Variants in AKT2 observed in about 807,000 individuals in gnomAD.
AKT2 encodes AKT serine/threonine kinase 2, also known as RAC-beta serine/threonine-protein kinase.
A neutral mutation model predicts 58.6 loss-of-function variants in AKT2; 16 were observed. The observed-to-expected ratio is 0.27, with a 90% CI of 0.18 to 0.41. The LOEUF (loss-of-function observed/expected upper bound fraction) is 0.41, where lower values mean the gene tolerates loss of function less well. AKT2 is among the 10% of genes least tolerant of loss of function. AKT2 has a pLI of 1.00. For synonymous variants in AKT2, 253 were observed against 254.0 expected, an observed-to-expected ratio of 1.00 and a Z score of 0.04; for missense variants, 438 against 661.0, an observed-to-expected ratio of 0.66 and a Z score of 3.70.
chr19:40,240,683 G>C (rs748859323), intron 6 of AKT2: 2 of 202,298 alleles, frequency 9.9e-6, no homozygotes, highest in African/African-American at 4.7e-5. Flanking sequence ...ACCAGGAGTG[G>C]TTCCAAAAAT....
chr19:40,255,656 T>A (rs773334628), intron 3 of AKT2, among the ~76,000 whole-genome samples: 2 of 151,670 alleles, frequency 1.3e-5, no homozygotes, highest in Non-Finnish European at 2.9e-5. Context: ...CGCTCAGAGG[T>A]GAGAGGAGGT....
chr19:40,282,791 A>G (rs1041317507), intron 1 of AKT2: 4 of 312,672 alleles, frequency 1.3e-5, no homozygotes, highest in Non-Finnish European at 2.5e-5. Context: ...AAAAAAGGAC[A>G]CAAATACCAT....
intron 1 of AKT2, among the ~76,000 whole-genome samples, chr19:40,281,504 A>G (rs2077423565): frequency 6.6e-6 from 1 of 152,024 alleles, no homozygotes; most frequent in Non-Finnish European, 1.5e-5. Flanking sequence ...AAGAAAAAAA[A>G]AAACAAGCAC....
In AKT2 at chr19:40,236,126, G is replaced by A. The variant is rs371794713; in HGVS notation, c.961-22C>T. The stretch of plus-strand genomic sequence containing the variant: ...GCACCTGAGGATGGAGGAGAAATGA[G>A]GGCTGGGCCCGTGGCCCTGAGGCTG... On this transcript the variant is annotated intron_variant, in intron 10 of 13. Transcript: ENST00000392038. 4 of 1,613,708 alleles carry A rather than the reference G, an allele frequency of 2.5e-6. No homozygotes were observed. In the African/African-American group the frequency reaches 5.3e-5, roughly 22 times the overall value.
chr19:40,280,600 C>T (rs2145434745), intron 1 of AKT2, among the ~76,000 whole-genome samples: 1 of 152,272 alleles, frequency 6.6e-6, no homozygotes, highest in East Asian at 1.9e-4. Flanking sequence ...AAGGGCCCTG[C>T]CTGCCCCGCA....
chr19:40,276,901 T>C (rs1365036335), intron 1 of AKT2, among the ~76,000 whole-genome samples: 3 of 152,130 alleles, frequency 2.0e-5, no homozygotes, highest in African/African-American at 7.2e-5. Context: ...TGCATGCCTG[T>C]AGTCCCAGCT....
chr19:40,264,352 G>A (rs1447256138), intron 2 of AKT2, among the ~76,000 whole-genome samples: 1 of 152,274 alleles, frequency 6.6e-6, no homozygotes, highest in African/African-American at 2.4e-5. Flanking sequence ...TCTCTTCCCT[G>A]TCCTAACTTC....
At chr19:40,272,834 T>C (rs539797578) in intron 1 of AKT2, among the ~76,000 whole-genome samples, 1 of 152,312 alleles carries the variant, frequency 6.6e-6, no homozygotes, top group East Asian at 1.9e-4. Context: ...AGGAACCAAA[T>C]GCCAGCTTTT....
chr19:40,265,945 C>A (rs377681517), intron 1 of AKT2: 67 of 157,706 alleles, frequency 4.2e-4, no homozygotes, highest in Non-Finnish European at 8.2e-4. Flanking sequence ...CTCCCTCCCC[C>A]CATCAGATGA....
In AKT2 at chr19:40,238,652, CCT is replaced by C. The variant is rs1356662885; in HGVS notation, c.708+251_708+252del. On this transcript the variant is annotated intron_variant, in intron 8 of 13. Transcript: ENST00000392038. This position sits in a 1 kb window ranked among gnomAD's most constrained non-coding sequence, Gnocchi z 5.1. ...CTATCGCCCCACAGCCCTCTCCACA[CCT>C]CTCTGGACTGGTTTGGACCTGACCC... Among the ~76,000 whole-genome samples, 1 of 152,154 alleles carries C rather than the reference CCT, an allele frequency of 6.6e-6. No individual in the cohort carries two copies. Among genetic ancestry groups the C allele is most frequent in the Non-Finnish European group, 1.5e-5 (1 of 68,028 alleles).
In AKT2 at chr19:40,242,708, G is replaced by C. The variant is rs764418584; in HGVS notation, c.288-21C>G. The C allele has an allele frequency of 6.2e-7, 1 of 1,608,138 alleles. No individual in the cohort carries two copies. Among genetic ancestry groups the C allele is most frequent in the Non-Finnish European group, 8.5e-7 (1 of 1,179,854 alleles). ...CCTCCCTGTGCAGGGACACACGTGA[G>C]TCCCAGCAGCCAGGAGTCCTGGGCC... On this transcript the variant is annotated intron_variant, in intron 4 of 13. Coordinates refer to ENST00000392038, the MANE Select transcript of AKT2 (RefSeq NM_001626.6). The surrounding 1 kb of genome is among the most constrained non-coding windows in gnomAD (Gnocchi z 4.3).
At chr19:40,245,226 G>C (rs1599999697) in intron 4 of AKT2, among the ~76,000 whole-genome samples, 1 of 152,166 alleles carries the variant, frequency 6.6e-6, no homozygotes, top group Non-Finnish European at 1.5e-5. Flanking sequence ...GGGATGATCT[G>C]AGACTTCTTA....
Position 40,231,946 on chromosome 19 carries a change from C to G in AKT2, c.*1926G>C. 1 of 233,340 alleles carries G rather than the reference C, an allele frequency of 4.3e-6. No individual in the cohort carries two copies. The highest frequency in any genetic ancestry group is 8.5e-6 in the Non-Finnish European group (1 of 118,100). 14.5% of individuals were successfully genotyped at this position (233,340 alleles called of 1,614,324 possible). ...GATAGGAATGCCCCCCTCTGAGGCT[C>G]GGCAGCCGGGTGGAATGAACCACTC... On this transcript the variant is annotated 3_prime_UTR_variant, in exon 14 of 14. Transcript: ENST00000392038.
At chr19:40,236,605 G>A (rs1396202118) in intron 9 of AKT2, 6 of 619,414 alleles carry the variant, frequency 9.7e-6, no homozygotes, top group Non-Finnish European at 1.7e-5. Flanking sequence ...GAACAGCTGG[G>A]CAGGGAGAGC....
chr19:40,261,487 C>T (rs533470052), intron 2 of AKT2, among the ~76,000 whole-genome samples: 1 of 150,972 alleles, frequency 6.6e-6, no homozygotes, highest in Non-Finnish European at 1.5e-5. Flanking sequence ...GAGCCGAGAT[C>T]GCGCCACGGC....
chr19:40,257,586 A>ACAC (rs1975628781), intron 2 of AKT2, among the ~76,000 whole-genome samples: 4 of 146,236 alleles, frequency 2.7e-5, no homozygotes, highest in East Asian at 2.0e-4. Flanking sequence ...TATGCACACA[A>ACAC]ACACACACAC....
At chr19:40,262,054 C>T (rs1342187668) in intron 2 of AKT2, among the ~76,000 whole-genome samples, 1 of 151,658 alleles carries the variant, frequency 6.6e-6, no homozygotes, top group East Asian at 1.9e-4. Flanking sequence ...GGGATTGGGG[C>T]GAGTTTATTA....
At chr19:40,284,968 C>A (rs148351604) in intron 1 of AKT2, 36 of 360,220 alleles carry the variant, frequency 1.0e-4, no homozygotes, top group Non-Finnish European at 1.6e-4. Flanking sequence ...CCCCCCACCG[C>A]CTCAGTGGTA....
In AKT2 at chr19:40,242,359, CGGGCATGGAGCACACCCTA is replaced by C; in HGVS notation, c.441+156_441+174del. ...CCACCCAAGGTTGCTCCCTCCCCTACGGGCATGGAGCACACCCTAGGGCACCTGCCACCTGAAATCACCC... is the reference window on the plus strand; with the variant it reads ...CCACCCAAGGTTGCTCCCTCCCCTACGGGCACCTGCCACCTGAAATCACCC... On this transcript the variant is annotated intron_variant, in intron 5 of 13. Transcript: ENST00000392038. This position sits in a 1 kb window ranked among gnomAD's most constrained non-coding sequence, Gnocchi z 4.3. The C allele has an allele frequency of 1.9e-6, 2 of 1,071,924 alleles. No homozygotes were observed. The highest frequency in any genetic ancestry group is 2.7e-5 in the South Asian group (2 of 74,760). The allele number at this position is 1,071,924 out of a possible 1,614,324, so 66.4% of individuals were successfully genotyped here.
Sources: gnomAD v4.1 joint callset for allele counts (sites outside exome capture counted in the v4.1 genomes callset) on GRCh38, gnomAD v4.1.1 for gene constraint, Gnocchi (gnomAD v3.1) non-coding constraint, MANE v1.5 for transcripts, NCBI Gene and HGNC (gene_info 2026-07-23, HGNC 2026-07-21) for gene names.